Variants in CACHD1 observed in about 807,000 individuals in gnomAD.
The protein encoded by CACHD1 is VWFA and cache domain-containing protein 1.
Under a neutral mutation model 138.7 loss-of-function variants are expected in CACHD1, and 71 were observed. That is an observed-to-expected ratio of 0.51 (90% CI 0.42 to 0.62). CACHD1 has a LOEUF of 0.62. Ranked by LOEUF, CACHD1 falls within the 20% of genes least tolerant of loss-of-function variation. The pLI, the probability that CACHD1 is intolerant of heterozygous loss-of-function variation, is 0.00. For missense variants in CACHD1, 1,389 were observed against 1,625.3 expected (o/e 0.85, Z 2.50); for synonymous variants, 578 against 591.5 (o/e 0.98, Z 0.33).
chr1:64,491,557 G>A (rs72673312), intron 1 of CACHD1, among the ~76,000 whole-genome samples: 8,033 of 152,090 alleles, frequency 0.053, 287 homozygotes, highest in South Asian at 0.083. Flanking sequence ...AAAAGCAGGG[G>A]GGAAATCCAC....
At chr1:64,532,973 G>A (rs1264622396) in intron 1 of CACHD1, among the ~76,000 whole-genome samples, 1 of 152,176 alleles carries the variant, frequency 6.6e-6, no homozygotes, top group Non-Finnish European at 1.5e-5. Flanking sequence ...TTTTTATAAC[G>A]AGAGGCAGGA....
At chr1:64,514,681 A>C (rs954313789) in intron 1 of CACHD1, among the ~76,000 whole-genome samples, 1 of 152,170 alleles carries the variant, frequency 6.6e-6, no homozygotes, top group Non-Finnish European at 1.5e-5. Flanking sequence ...TTAGCTTTTT[A>C]TGATGGTGTC....
In CACHD1 at chr1:64,470,278, G is replaced by A. The variant is rs1175858497; in HGVS notation, c.-467G>A. 1.3e-5 allele frequency among the ~76,000 whole-genome samples: 2 copies of A among 151,756 alleles called. No homozygotes were observed. Among genetic ancestry groups the A allele is most frequent in the Non-Finnish European group, 2.9e-5 (2 of 67,858 alleles). On this transcript the variant is annotated 5_prime_UTR_variant, in exon 1 of 27. Transcript: ENST00000651257. The surrounding 1 kb of genome is among the most constrained non-coding windows in gnomAD (Gnocchi z 5.2). The stretch of plus-strand genomic sequence containing the variant: ...GGTGGCTGCCCCAGTCTCGCAGCCC[G>A]GCCGCCGCTCCTCTTCCCCGGGGGC...
chr1:64,504,383 C>T (rs1557465021), intron 1 of CACHD1, among the ~76,000 whole-genome samples: 2 of 152,186 alleles, frequency 1.3e-5, no homozygotes, highest in Non-Finnish European at 2.9e-5. Flanking sequence ...TGTGACACAA[C>T]ATTTAATCAC....
At position 64,597,813 on chromosome 1, in the gene CACHD1, C is replaced by T. The variant is rs191113724; in HGVS notation, c.411-4993C>T. On this transcript the variant is annotated intron_variant, in intron 3 of 26. Coordinates refer to ENST00000651257, the MANE Select transcript of CACHD1 (RefSeq NM_020925.4). ...ACCACTTCTTGGCCTTTCCATAAAC[C>T]CGGAATTATATAAATGTGACTGGCA... 2.7e-3 allele frequency among the ~76,000 whole-genome samples: 412 copies of T among 151,986 alleles called. 14 individuals are homozygous for T. Among genetic ancestry groups the T allele is most frequent in the Non-Finnish European group, 3.8e-4 (26 of 67,968 alleles).
At position 64,666,104 on chromosome 1, in the gene CACHD1, C is replaced by A; in HGVS notation, c.2324C>A (p.Pro775His). 1 of 1,613,384 alleles carries A rather than the reference C, an allele frequency of 6.2e-7. No individual in the cohort carries two copies. Among genetic ancestry groups the A allele is most frequent in the Non-Finnish European group, 8.5e-7 (1 of 1,179,402 alleles). The change falls in exon 16 of 27, where the codon CCT becomes CAT. Residue 775 changes from proline (P) to histidine (H), a missense_variant. Pro to His is a moderately conservative substitution (Grantham distance 77). Around this residue, in one of 5 missense-constraint regions of CACHD1, gnomAD observed 1,000 missense variants for 1,114.7 expected, o/e 0.90. Transcript: ENST00000651257. ...CCAGGGTTGATTTCTTTGACTGGTC[C>A]TTACTTAGATGTTGGAGGAGCTGGT... ...ANPGLISLTG[P>H]YLDVGGAGYV...
intron 3 of CACHD1, among the ~76,000 whole-genome samples, chr1:64,600,552 G>A (rs1030409679): frequency 6.6e-6 from 1 of 152,138 alleles, no homozygotes; most frequent in African/African-American, 2.4e-5. Context: ...GGATGGTGTG[G>A]ATGGTCATAA....
chr1:64,544,752 G>A (rs969062753), intron 1 of CACHD1, among the ~76,000 whole-genome samples: 28 of 152,168 alleles, frequency 1.8e-4, no homozygotes, highest in East Asian at 1.2e-3. Context: ...GAGCGGGGAG[G>A]CAGTGCTTAG....
At position 64,676,952 on chromosome 1, in the gene CACHD1, C is replaced by A. The variant is rs753145290; in HGVS notation, c.3033C>A (p.Gly1011=). The A allele has an allele frequency of 5.0e-6, 8 of 1,613,888 alleles. No individual in the cohort carries two copies. Among genetic ancestry groups the A allele is most frequent in the South Asian group, 2.2e-5 (2 of 91,056 alleles). Residue 1011 remains glycine, a synonymous_variant, in exon 22 of 27, where the codon GGC becomes GGA. Transcript: ENST00000651257. The part of the protein sequence containing the change: ...EPVTYTAIDP[G]LQDALHQCVN... ...TGACATACACAGCTATTGACCCTGG[C>A]CTGCAAGATGCTCTTCACCAGTGTG...
intron 4 of CACHD1, among the ~76,000 whole-genome samples, chr1:64,621,049 A>T (rs1647896113): frequency 6.6e-6 from 1 of 152,178 alleles, no homozygotes; most frequent in Non-Finnish European, 1.5e-5. Context: ...ATTAGATATC[A>T]TTCCTGCTTG....
At chr1:64,593,552 T>C (rs1004439666) in intron 3 of CACHD1, among the ~76,000 whole-genome samples, 3 of 152,220 alleles carry the variant, frequency 2.0e-5, no homozygotes, top group African/African-American at 7.2e-5. Context: ...TTAAATTTTT[T>C]GCAAGTCATA....
intron 26 of CACHD1, among the ~76,000 whole-genome samples, 164 bp downstream of exon 26, chr1:64,682,270 C>T (rs919881599): frequency 1.2e-4 from 19 of 152,196 alleles, no homozygotes; most frequent in Admixed American, 3.3e-4. Flanking sequence ...CAGCACTCCT[C>T]TGGGCACACA....
At chr1:64,584,362 A>G (rs1456466362) in intron 3 of CACHD1, among the ~76,000 whole-genome samples, 3 of 152,174 alleles carry the variant, frequency 2.0e-5, no homozygotes, top group East Asian at 1.9e-4. Flanking sequence ...GGCTTAGCAC[A>G]TTGGGGATCT....
rs764608802 is a variant in CACHD1 at position 64,681,284 on chromosome 1, G to C, written c.3433G>C (p.Glu1145Gln). ...AATGTCAGTGCGTATGTCCAACCTG[G>C]AGAATGACAGAGATGAAAGGGACGA... ...QEMSVRMSNL[E>Q]NDRDERDDDS... Residue 1145 changes from glutamate to glutamine, a missense_variant, in exon 25 of 27, where the codon GAG becomes CAG. By Grantham distance (29) the Glu-to-Gln change is conservative (BLOSUM62 2). This residue lies in a region of CACHD1 where 250 missense variants were observed against 292.9 expected (regional missense o/e 0.85). Transcript: ENST00000651257. 13 of 1,613,872 alleles carry C rather than the reference G, an allele frequency of 8.1e-6. No homozygotes were observed. The South Asian group carries it at 1.4e-4, about 18-fold the overall frequency.
rs148982997 is a variant in CACHD1 at position 64,672,150 on chromosome 1, T to C, written c.2510+464T>C. 3.9e-5 allele frequency among the ~76,000 whole-genome samples: 6 copies of C among 152,318 alleles called. No homozygotes were observed. In the East Asian group the frequency reaches 1.2e-3, roughly 29 times the overall value. ...CTGCCTCCTGAATTTCAAAAGAACT[T>C]GTCTGATCAAAGCAAGGGCATACCC... is the stretch of plus-strand genomic sequence containing the variant. On this transcript the variant is annotated intron_variant, in intron 17 of 26. Transcript: ENST00000651257.
intron 2 of CACHD1, among the ~76,000 whole-genome samples, chr1:64,562,576 ATTTTT>A (rs56286973): frequency 7.4e-5 from 10 of 134,424 alleles, no homozygotes; most frequent in Admixed American, 7.3e-5. Flanking sequence ...CACCTGGCTA[ATTTTT>A]TTTTTTTTTT....
At position 64,636,477 on chromosome 1, in the gene CACHD1, GTGGGACTACCGTTCA is replaced by G. The variant is rs1648530143; in HGVS notation, c.1006+2219_1006+2233del. 2.6e-5 allele frequency among the ~76,000 whole-genome samples: 4 copies of G among 152,184 alleles called. No homozygotes were observed. In the South Asian group the frequency reaches 8.3e-4, roughly 32 times the overall value. On this transcript the variant is annotated intron_variant, in intron 7 of 26. Transcript: ENST00000651257. ...CTCACAGGCTACTGTCAGAGTGTCA[GTGGGACTACCGTTCA>G]TTCAGAGTCCTAAGGTTCATGCTAA...
chr1:64,623,577 C>G (rs75649827), intron 4 of CACHD1, among the ~76,000 whole-genome samples: 3,264 of 152,214 alleles, frequency 0.021, 112 homozygotes, highest in African/African-American at 0.075. Context: ...AGAGATGAAT[C>G]AGGTATAGAT....
At chr1:64,484,616 C>T (rs1372911015) in intron 1 of CACHD1, among the ~76,000 whole-genome samples, 2 of 152,340 alleles carry the variant, frequency 1.3e-5, no homozygotes, top group South Asian at 2.1e-4. Context: ...AACTCTGTAC[C>T]ATTGAACAAT....
Sources: allele counts gnomAD v4.1 joint callset (sites outside exome capture counted in the v4.1 genomes callset), GRCh38; gene constraint gnomAD v4.1.1; regional missense constraint gnomAD v4.1.1; non-coding constraint Gnocchi (gnomAD v3.1); transcripts MANE v1.5; gene names NCBI Gene and HGNC (gene_info 2026-07-23, HGNC 2026-07-21).